Variants in PLCG2 observed in about 807,000 individuals in gnomAD.
PLCG2 encodes the protein 1-phosphatidylinositol 4,5-bisphosphate phosphodiesterase gamma-2.
Under a neutral mutation model 175.6 loss-of-function variants are expected in PLCG2, and 69 were observed. The observed-to-expected ratio is 0.39, with a 90% confidence interval of 0.32 to 0.48. The LOEUF (loss-of-function observed/expected upper bound fraction) is 0.48. Among genes scored for constraint, PLCG2 ranks in the 20% least tolerant of loss-of-function variants. The probability of loss-of-function intolerance (pLI) is 0.91; values close to 1 mark genes in which losing one functional copy is unlikely to be tolerated. For synonymous variants in PLCG2, 827 were observed against 624.0 expected (o/e 1.33, Z -4.85); for missense variants, 1,798 against 1,650.9 (o/e 1.09, Z -1.54).
chr16:81,925,854 C>G (rs1361264284), intron 22 of PLCG2, among the ~76,000 whole-genome samples: 1 of 149,716 alleles, frequency 6.7e-6, no homozygotes, highest in Non-Finnish European at 1.5e-5. Context: ...GCCATGCACT[C>G]CAGCCTGGGG....
At chr16:81,880,348 C>G (rs190968550) in intron 7 of PLCG2, among the ~76,000 whole-genome samples, 36 of 152,278 alleles carry the variant, frequency 2.4e-4, no homozygotes, top group African/African-American at 8.2e-4. Context: ...AGCCAATGTG[C>G]CTACAATGTG....
chr16:81,781,608 T>G (rs1910735329), intron 1 of PLCG2, among the ~76,000 whole-genome samples: 1 of 152,212 alleles, frequency 6.6e-6, no homozygotes, highest in Non-Finnish European at 1.5e-5. Flanking sequence ...TCACTTGCAG[T>G]GGCTGACACC....
At chr16:81,796,904 A>G (rs1002189289) in intron 2 of PLCG2, among the ~76,000 whole-genome samples, 3 of 152,218 alleles carry the variant, frequency 2.0e-5, no homozygotes, top group African/African-American at 7.2e-5. Flanking sequence ...GGCAGGCCTA[A>G]CACACAAATA....
chr16:81,878,373 A>C (rs1206655353), intron 7 of PLCG2, among the ~76,000 whole-genome samples: 1 of 152,180 alleles, frequency 6.6e-6, no homozygotes, highest in Non-Finnish European at 1.5e-5. Flanking sequence ...CACCTTGCAA[A>C]GACCCTAATT....
At chr16:81,845,265 T>C (rs1390786062) in intron 2 of PLCG2, among the ~76,000 whole-genome samples, 2 of 152,242 alleles carry the variant, frequency 1.3e-5, no homozygotes, top group Non-Finnish European at 2.9e-5. Context: ...ATGCCTTATA[T>C]GTGTCCAGCT....
chr16:81,801,521 G>A (rs1911717654), intron 2 of PLCG2, among the ~76,000 whole-genome samples: 1 of 152,124 alleles, frequency 6.6e-6, no homozygotes, highest in Non-Finnish European at 1.5e-5. Context: ...AGATTGATCT[G>A]TCCTGTCAAT....
intron 1 of PLCG2, among the ~76,000 whole-genome samples, chr16:81,783,298 AAATTTTAT>A (rs996851351): frequency 4.6e-5 from 7 of 152,186 alleles, no homozygotes; most frequent in African/African-American, 1.7e-4. Flanking sequence ...TACTTTTTTA[AAATTTTAT>A]TATTATATTA....
chr16:81,838,102 G>A (rs933678279), intron 2 of PLCG2, among the ~76,000 whole-genome samples: 1 of 150,284 alleles, frequency 6.7e-6, no homozygotes, highest in Admixed American at 6.6e-5. Flanking sequence ...TTTTTGAGGC[G>A]GAGTCTGGCT....
At chr16:81,923,688 T>C in intron 22 of PLCG2, 94 bp downstream of exon 22, 1 of 721,514 alleles carries the variant, frequency 1.4e-6, no homozygotes, top group Non-Finnish European at 2.4e-6. Flanking sequence ...TCTGACCCCC[T>C]TTGTCATCCT....
chr16:81,930,091 C>T (rs1229946679), intron 24 of PLCG2, among the ~76,000 whole-genome samples: 1 of 152,186 alleles, frequency 6.6e-6, no homozygotes, highest in Non-Finnish European at 1.5e-5. Context: ...GTCTCAGCTA[C>T]TCAGGAGGCT....
At chr16:81,755,453 A>C (rs1357184366) in intron 1 of PLCG2, among the ~76,000 whole-genome samples, 2 of 148,836 alleles carry the variant, frequency 1.3e-5, no homozygotes, top group Admixed American at 1.4e-4. Context: ...TGATCTGCCC[A>C]CCTCGGCCTC....
rs774741128 is a variant in PLCG2 at position 81,870,875 on chromosome 16, G to T, written c.588G>T (p.Glu196Asp). The change falls in exon 7 of 33, where the codon GAG becomes GAT. Residue 196 changes from glutamate to aspartate, a missense_variant. Transcript: ENST00000564138. ...AGGAAATAGGAGCACACAAAGATGA[G>T]CTCAGCTTTGAACAGTTCCATCTCT... ...KFVEIGAHKD[E>D]LSFEQFHLFY... 1 of 1,600,238 alleles carries T rather than the reference G, an allele frequency of 6.2e-7. No individual in the cohort carries two copies. The highest frequency in any genetic ancestry group is 1.7e-5 in the Admixed American group (1 of 57,680).
chr16:81,802,874 G>T (rs1911796210), intron 2 of PLCG2, among the ~76,000 whole-genome samples: 1 of 152,162 alleles, frequency 6.6e-6, no homozygotes. Context: ...TAAAAACATT[G>T]TATACCCTAT....
intron 7 of PLCG2, among the ~76,000 whole-genome samples, chr16:81,873,229 A>G (rs1907604804): frequency 6.6e-6 from 1 of 152,234 alleles, no homozygotes; most frequent in South Asian, 2.1e-4. Context: ...AGCCTTTTCT[A>G]TAAAATGAAG....
intron 8 of PLCG2, among the ~76,000 whole-genome samples, chr16:81,882,438 A>G (rs1229519684): frequency 2.0e-5 from 3 of 151,954 alleles, no homozygotes; most frequent in Non-Finnish European, 4.4e-5. Context: ...GCACTCAATG[A>G]CCCAGGGAAC....
At chr16:81,884,215 G>C (rs569756872) in intron 9 of PLCG2, among the ~76,000 whole-genome samples, 1 of 152,210 alleles carries the variant, frequency 6.6e-6, no homozygotes, top group Non-Finnish European at 1.5e-5. Context: ...GGCAGGCATT[G>C]TGGTGGGTGC....
At chr16:81,816,232 G>A (rs1479826001) in intron 2 of PLCG2, among the ~76,000 whole-genome samples, 1 of 152,106 alleles carries the variant, frequency 6.6e-6, no homozygotes, top group Non-Finnish European at 1.5e-5. Context: ...TTAGCTGGGT[G>A]TGGCAGCACA....
At chr16:81,937,930 G>A in intron 28 of PLCG2, 27 bp downstream of exon 28, 1 of 1,612,060 alleles carries the variant, frequency 6.2e-7, no homozygotes, top group South Asian at 1.1e-5. Flanking sequence ...CTTCCTGCCA[G>A]GGGAGCCAGC....
chr16:81,878,887 C>T (rs569453664), intron 7 of PLCG2, among the ~76,000 whole-genome samples: 35 of 152,098 alleles, frequency 2.3e-4, no homozygotes, highest in Non-Finnish European at 2.4e-4. Context: ...TCCTGCTCTG[C>T]GTCCCAGGGG....
Sources: allele counts gnomAD v4.1 joint callset (sites outside exome capture counted in the v4.1 genomes callset), GRCh38; gene constraint gnomAD v4.1.1; transcripts MANE v1.5; gene names NCBI Gene and HGNC (gene_info 2026-07-23, HGNC 2026-07-21).